Variants in CD2AP observed in about 807,000 individuals in gnomAD.
CD2AP encodes the protein CD2-associated protein.
Under a neutral mutation model 85.1 loss-of-function variants are expected in CD2AP, and 46 were observed. That is an observed-to-expected ratio of 0.54 (90% CI 0.43 to 0.69). The LOEUF (loss-of-function observed/expected upper bound fraction) is 0.69, where lower values mean the gene tolerates loss of function less well. Ranked by LOEUF, CD2AP falls within the 30% of genes least tolerant of loss-of-function variation. The pLI, the probability that CD2AP is intolerant of heterozygous loss-of-function variation, is 0.00. For missense variants in CD2AP, 769 were observed against 729.5 expected (o/e 1.05, Z -0.62); for synonymous variants, 255 against 252.9 (o/e 1.01, Z -0.08).
intron 5 of CD2AP, among the ~76,000 whole-genome samples, chr6:47,558,665 A>T (rs1275858033): frequency 6.6e-6 from 1 of 152,202 alleles, no homozygotes; most frequent in Non-Finnish European, 1.5e-5. Flanking sequence ...CATCCCAGGG[A>T]TGAAGCTGAC....
chr6:47,514,389 G>A (rs1472968401), intron 2 of CD2AP, among the ~76,000 whole-genome samples: 3 of 152,236 alleles, frequency 2.0e-5, no homozygotes, highest in Middle Eastern at 3.4e-3. Context: ...GGCTAACTTA[G>A]CAGATATTAC....
intron 16 of CD2AP, among the ~76,000 whole-genome samples, chr6:47,609,671 C>A (rs975347904): frequency 2.5e-4 from 38 of 152,140 alleles, no homozygotes; most frequent in African/African-American, 9.2e-4. Flanking sequence ...TGCGCTCCAG[C>A]CTGGGCAACA....
intron 11 of CD2AP, among the ~76,000 whole-genome samples, chr6:47,594,622 C>T (rs537708733): frequency 7.1e-4 from 108 of 151,858 alleles, no homozygotes; most frequent in African/African-American, 2.4e-3. Context: ...AGCTTTATTT[C>T]GTTATTGATT....
chr6:47,487,038 TAA>T (rs958129299), intron 1 of CD2AP, among the ~76,000 whole-genome samples: 3 of 152,208 alleles, frequency 2.0e-5, no homozygotes, highest in Admixed American at 2.0e-4. Flanking sequence ...TAACTTTAAT[TAA>T]AAATTCCTGT....
chr6:47,574,717 T>C (rs1013132804), intron 6 of CD2AP, among the ~76,000 whole-genome samples: 1 of 151,990 alleles, frequency 6.6e-6, no homozygotes, highest in Non-Finnish European at 1.5e-5. Flanking sequence ...CAACATTCAT[T>C]AAATTTACTA....
intron 6 of CD2AP, 69 bp downstream of exon 6, chr6:47,574,320 G>A (rs889107828): frequency 2.8e-5 from 40 of 1,431,726 alleles, no homozygotes; most frequent in Non-Finnish European, 3.8e-5. Flanking sequence ...AAATGTAAAA[G>A]TCAGTTTGTA....
chr6:47,601,223 A>G (rs902065488), intron 13 of CD2AP, among the ~76,000 whole-genome samples: 2 of 151,940 alleles, frequency 1.3e-5, no homozygotes, highest in South Asian at 2.1e-4. Flanking sequence ...TCTTTTATAC[A>G]TAGCTGTTAT....
chr6:47,589,639 A>C (rs564955347), intron 11 of CD2AP, among the ~76,000 whole-genome samples: 12 of 151,350 alleles, frequency 7.9e-5, no homozygotes, highest in Non-Finnish European at 1.5e-4. Context: ...GAATCATAAG[A>C]TCAAGATAGA....
intron 11 of CD2AP, among the ~76,000 whole-genome samples, chr6:47,586,641 A>G (rs967548331): frequency 6.6e-6 from 1 of 152,170 alleles, no homozygotes; most frequent in Non-Finnish European, 1.5e-5. Flanking sequence ...AATCTCAGAG[A>G]ACTTATTGCC....
At position 47,624,247 on chromosome 6, in the gene CD2AP, C is replaced by G. The variant is rs149303011; in HGVS notation, c.*20C>G. ...TCTTGAGTGGTGTGGACCTGGTGTT[C>G]ATAATGTTCCAGGGATTCAGAAGCA... On this transcript the variant is annotated 3_prime_UTR_variant, in exon 18 of 18. Transcript: ENST00000359314. The G allele has an allele frequency of 5.9e-5, 95 of 1,597,750 alleles. No homozygotes were observed. In the East Asian group the frequency reaches 2.0e-3, roughly 34 times the overall value.
intron 12 of CD2AP, 61 bp downstream of exon 12, chr6:47,596,087 C>G: frequency 8.5e-7 from 1 of 1,176,212 alleles, no homozygotes. Flanking sequence ...CTTAATGGCT[C>G]TATTGCCTTT....
chr6:47,537,631 C>T (rs1012199885), intron 3 of CD2AP, among the ~76,000 whole-genome samples: 1 of 151,924 alleles, frequency 6.6e-6, no homozygotes, highest in Non-Finnish European at 1.5e-5. Flanking sequence ...AATACATTAC[C>T]TCTGATCACA....
intron 1 of CD2AP, 150 bp downstream of exon 1, chr6:47,478,398 C>A (rs1765360588): frequency 1.1e-6 from 1 of 936,028 alleles, no homozygotes; most frequent in East Asian, 2.6e-5. Flanking sequence ...CCCCTTCTTG[C>A]CCTGCCTTCC....
At chr6:47,546,894 A>G (rs914148959) in intron 4 of CD2AP, among the ~76,000 whole-genome samples, 7 of 152,184 alleles carry the variant, frequency 4.6e-5, no homozygotes, top group Non-Finnish European at 8.8e-5. Flanking sequence ...CAAAACAATT[A>G]TCAGCCAAGA....
chr6:47,591,742 T>C (rs1232655568), intron 11 of CD2AP, among the ~76,000 whole-genome samples: 1 of 152,130 alleles, frequency 6.6e-6, no homozygotes, highest in East Asian at 1.9e-4. Flanking sequence ...AAAGGACATA[T>C]TTTGGTTATT....
At chr6:47,531,458 G>T (rs994609495) in intron 2 of CD2AP, among the ~76,000 whole-genome samples, 10 of 151,428 alleles carry the variant, frequency 6.6e-5, no homozygotes, top group Non-Finnish European at 1.3e-4. Context: ...CTGGAGAGAC[G>T]ATATGAGGGG....
At chr6:47,592,750 A>G (rs959157584) in intron 11 of CD2AP, among the ~76,000 whole-genome samples, 6 of 152,250 alleles carry the variant, frequency 3.9e-5, no homozygotes, top group South Asian at 2.1e-4. Context: ...CATTGAGGGG[A>G]TAGGAAGGTG....
At position 47,595,920 on chromosome 6, in the gene CD2AP, A is replaced by G; in HGVS notation, c.1168A>G (p.Lys390Glu). The change falls in exon 12 of 18, where the codon AAG (lysine) becomes GAG (glutamate). Residue 390 changes from lysine to glutamate, a missense_variant. Coordinates refer to ENST00000359314, the MANE Select transcript of CD2AP (RefSeq NM_012120.3). ...ACCAGCAGCTCCACAAGTCCCACCC[A>G]AGAAACCTACTCCACCTACCAAAGC... Reference protein sequence around the residue: ...SKPAAPQVPPKKPTPPTKASN... With the variant: ...SKPAAPQVPPEKPTPPTKASN... 2 of 1,612,898 alleles carry G rather than the reference A, an allele frequency of 1.2e-6. No individual in the cohort carries two copies. Among genetic ancestry groups the G allele is most frequent in the East Asian group, 2.2e-5 (1 of 44,820 alleles).
chr6:47,572,562 G>A (rs1315492920), intron 5 of CD2AP, among the ~76,000 whole-genome samples: 2 of 152,168 alleles, frequency 1.3e-5, no homozygotes, highest in Non-Finnish European at 2.9e-5. Flanking sequence ...CAAGCCACCT[G>A]TAAAATGGTC....
Sources: allele counts gnomAD v4.1 joint callset (sites outside exome capture counted in the v4.1 genomes callset), GRCh38; gene constraint gnomAD v4.1.1; transcripts MANE v1.5; gene names NCBI Gene and HGNC (gene_info 2026-07-23, HGNC 2026-07-21).